Variants in GABBR2 observed in about 807,000 individuals in gnomAD.
The protein encoded by GABBR2 is gamma-aminobutyric acid type B receptor subunit 2, also known as G-protein coupled receptor 51.
GABBR2 carries 23 observed loss-of-function variants against 105.6 expected under a neutral mutation model. That is an observed-to-expected ratio of 0.22 (90% CI 0.16 to 0.31). The LOEUF (loss-of-function observed/expected upper bound fraction) is 0.31, where lower values mean the gene tolerates loss of function less well. GABBR2 is among the 10% of genes least tolerant of loss of function. GABBR2 has a pLI of 1.00. For synonymous variants in GABBR2, 478 were observed against 499.7 expected, an observed-to-expected ratio of 0.96 and a Z score of 0.58; for missense variants, 734 against 1,245.5, an observed-to-expected ratio of 0.59 and a Z score of 6.18.
chr9:98,369,537 C>A (rs1370626559), intron 12 of GABBR2, among the ~76,000 whole-genome samples: 1 of 152,180 alleles, frequency 6.6e-6, no homozygotes, highest in Non-Finnish European at 1.5e-5. Flanking sequence ...TCCTGAAAGA[C>A]TAAGAGCTTT....
At chr9:98,473,753 G>A (rs1327971598) in intron 5 of GABBR2, among the ~76,000 whole-genome samples, 1 of 152,110 alleles carries the variant, frequency 6.6e-6, no homozygotes, top group Non-Finnish European at 1.5e-5. Flanking sequence ...AAACATACCA[G>A]ATCTTTGGGG....
intron 7 of GABBR2, among the ~76,000 whole-genome samples, chr9:98,414,417 C>A (rs1832648804): frequency 6.6e-6 from 1 of 152,190 alleles, no homozygotes; most frequent in Non-Finnish European, 1.5e-5. Context: ...CATTGAAGAG[C>A]AGCTGAGCAA....
At chr9:98,516,354 AG>A (rs1445295795) in intron 3 of GABBR2, 2 of 152,258 alleles carry the variant, frequency 1.3e-5, no homozygotes, top group Non-Finnish European at 2.9e-5. Context: ...CTCATGTCTG[AG>A]AGAGGCTGAG....
intron 2 of GABBR2, among the ~76,000 whole-genome samples, chr9:98,567,193 C>A (rs1048559774): frequency 6.6e-6 from 1 of 152,234 alleles, no homozygotes; most frequent in African/African-American, 2.4e-5. Flanking sequence ...GACGCATAAA[C>A]AATGAGGCCA....
At chr9:98,295,009 G>T (rs893604979) in intron 17 of GABBR2, among the ~76,000 whole-genome samples, 7 of 152,038 alleles carry the variant, frequency 4.6e-5, no homozygotes, top group Non-Finnish European at 1.0e-4. Flanking sequence ...GGTCTGGAGG[G>T]GTCTTTGTTT....
At chr9:98,535,994 C>T (rs1828171956) in intron 3 of GABBR2, among the ~76,000 whole-genome samples, 1 of 152,020 alleles carries the variant, frequency 6.6e-6, no homozygotes, top group Non-Finnish European at 1.5e-5. Context: ...GGTGATGATG[C>T]CCTGTCAATG....
chr9:98,616,652 G>A (rs1253877997), intron 1 of GABBR2, among the ~76,000 whole-genome samples: 2 of 151,992 alleles, frequency 1.3e-5, no homozygotes, highest in South Asian at 2.1e-4. Context: ...TACTCGGGAG[G>A]CTGAGGCAGG....
At chr9:98,364,134 C>G (rs1444515556) in intron 12 of GABBR2, among the ~76,000 whole-genome samples, 3 of 152,150 alleles carry the variant, frequency 2.0e-5, no homozygotes, top group Non-Finnish European at 4.4e-5. Flanking sequence ...AACCGCTGTA[C>G]CTGGGGGCAG....
At chr9:98,507,354 G>T (rs1827534175) in intron 3 of GABBR2, among the ~76,000 whole-genome samples, 1 of 152,124 alleles carries the variant, frequency 6.6e-6, no homozygotes, top group Non-Finnish European at 1.5e-5. Flanking sequence ...GTCAGAGTCA[G>T]GGAAGAAATT....
chr9:98,530,267 G>A (rs1190152365), intron 3 of GABBR2, among the ~76,000 whole-genome samples: 1 of 152,200 alleles, frequency 6.6e-6, no homozygotes, highest in African/African-American at 2.4e-5. Context: ...GGACTGTGAA[G>A]AGGTCCCCTT....
At chr9:98,422,495 C>CGTGTGT (rs1832799158) in intron 7 of GABBR2, among the ~76,000 whole-genome samples, 2 of 132,748 alleles carry the variant, frequency 1.5e-5, no homozygotes, top group African/African-American at 3.3e-5. Flanking sequence ...GCTTAATGCA[C>CGTGTGT]CTGTGTGTGT....
intron 4 of GABBR2, among the ~76,000 whole-genome samples, chr9:98,495,106 C>T (rs1419380694): frequency 6.6e-6 from 1 of 152,166 alleles, no homozygotes; most frequent in African/African-American, 2.4e-5. Flanking sequence ...CTGGCTCCAG[C>T]CACCTGGGCT....
intron 7 of GABBR2, among the ~76,000 whole-genome samples, chr9:98,425,499 C>T (rs886462813): frequency 9.2e-5 from 14 of 152,170 alleles, no homozygotes; most frequent in African/African-American, 2.9e-4. Flanking sequence ...TTCTGGGCCA[C>T]GCACTGTGCT....
intron 1 of GABBR2, among the ~76,000 whole-genome samples, chr9:98,599,379 T>C (rs1430409991): frequency 6.6e-6 from 1 of 152,232 alleles, no homozygotes; most frequent in East Asian, 1.9e-4. Context: ...CCTGAGGGCC[T>C]TGCCATAGTG....
At chr9:98,322,130 G>A (rs1828598732) in intron 13 of GABBR2, among the ~76,000 whole-genome samples, 1 of 152,018 alleles carries the variant, frequency 6.6e-6, no homozygotes, top group Non-Finnish European at 1.5e-5. Flanking sequence ...TTGGTCCTCT[G>A]CTTCCAGGCC....
chr9:98,321,418 T>G (rs997079684), intron 13 of GABBR2, among the ~76,000 whole-genome samples: 1 of 152,166 alleles, frequency 6.6e-6, no homozygotes, highest in Non-Finnish European at 1.5e-5. Flanking sequence ...CTCAGCAGGA[T>G]GGGGCAGCCT....
At chr9:98,433,425 C>G (rs1020049872) in intron 7 of GABBR2, among the ~76,000 whole-genome samples, 3 of 152,208 alleles carry the variant, frequency 2.0e-5, no homozygotes, top group African/African-American at 7.2e-5. Flanking sequence ...ACTAGAGTCA[C>G]AGTCTGCAGG....
intron 18 of GABBR2, among the ~76,000 whole-genome samples, chr9:98,291,447 A>T (rs954974209): frequency 1.3e-5 from 2 of 152,152 alleles, no homozygotes; most frequent in African/African-American, 4.8e-5. Flanking sequence ...TCCCTGAAAG[A>T]CTTCTCGCCT....
At chr9:98,362,212 C>T (rs1831597533) in intron 13 of GABBR2, among the ~76,000 whole-genome samples, 1 of 152,238 alleles carries the variant, frequency 6.6e-6, no homozygotes, top group South Asian at 2.1e-4. Context: ...GCAAGGCTGA[C>T]TGCAAGACAA....
Sources: allele counts gnomAD v4.1 joint callset (sites outside exome capture counted in the v4.1 genomes callset), GRCh38; gene constraint gnomAD v4.1.1; transcripts MANE v1.5; gene names NCBI Gene and HGNC (gene_info 2026-07-23, HGNC 2026-07-21).